Variants in OXR1 observed in about 807,000 individuals in gnomAD.
OXR1 encodes oxidation resistance protein 1.
In OXR1, 41 loss-of-function variants were observed where a neutral mutation model predicts 104.6. The observed-to-expected ratio is 0.39, with a 90% confidence interval of 0.31 to 0.51. The LOEUF is 0.51. Among genes scored for constraint, OXR1 ranks in the 20% least tolerant of loss-of-function variants. The probability of loss-of-function intolerance (pLI) is 0.77; values close to 1 mark genes in which losing one functional copy is unlikely to be tolerated. For missense variants in OXR1, 955 were observed against 1,031.9 expected, an observed-to-expected ratio of 0.93 and a Z score of 1.02; for synonymous variants, 348 against 348.4, an observed-to-expected ratio of 1.00 and a Z score of 0.01.
chr8:106,718,818 G>A (rs1414380371), intron 11 of OXR1, among the ~76,000 whole-genome samples: 3 of 141,378 alleles, frequency 2.1e-5, no homozygotes, highest in African/African-American at 8.3e-5. Flanking sequence ...CAGCCTGGGC[G>A]ACAGAGCGAG....
At chr8:106,394,547 T>G (rs538089453) in intron 2 of OXR1, among the ~76,000 whole-genome samples, 10 of 152,222 alleles carry the variant, frequency 6.6e-5, no homozygotes, top group African/African-American at 2.2e-4. Flanking sequence ...CTCCAACTGG[T>G]AAGTGGATAA....
At chr8:106,730,782 G>A (rs11990726) in intron 11 of OXR1, among the ~76,000 whole-genome samples, 3,401 of 152,010 alleles carry the variant, frequency 0.022, 42 homozygotes, top group East Asian at 0.039. Flanking sequence ...GTGTTTGCTA[G>A]GCCAGTGTGG....
intron 3 of OXR1, among the ~76,000 whole-genome samples, chr8:106,654,215 T>C (rs1379042893): frequency 6.6e-6 from 1 of 152,036 alleles, no homozygotes; most frequent in Non-Finnish European, 1.5e-5. Context: ...AAAATTCATA[T>C]GGAATGAAAA....
intron 10 of OXR1, 140 bp from the exon 11 acceptor site, chr8:106,713,683 G>C: frequency 2.1e-6 from 1 of 483,648 alleles, no homozygotes; most frequent in South Asian, 6.0e-5. Context: ...CCTGATAGTA[G>C]ACCTTTTATA....
At chr8:106,614,507 T>C (rs996383594) in intron 3 of OXR1, among the ~76,000 whole-genome samples, 1 of 152,232 alleles carries the variant, frequency 6.6e-6, no homozygotes, top group South Asian at 2.1e-4. Context: ...CAGAGCTTCT[T>C]AGCAGCCCAC....
At chr8:106,400,647 A>C (rs748906220) in intron 2 of OXR1, among the ~76,000 whole-genome samples, 1 of 152,184 alleles carries the variant, frequency 6.6e-6, no homozygotes, top group Non-Finnish European at 1.5e-5. Context: ...GAAATACTGA[A>C]TTATAACATC....
chr8:106,723,161 G>A (rs930138484), intron 11 of OXR1, among the ~76,000 whole-genome samples: 6 of 151,660 alleles, frequency 4.0e-5, no homozygotes, highest in African/African-American at 1.2e-4. Context: ...TTCGAGACCA[G>A]CCTGGCCAAT....
At chr8:106,347,940 T>C (rs13265102) in intron 1 of OXR1, among the ~76,000 whole-genome samples, 54,511 of 151,852 alleles carry the variant, frequency 0.36, 10,102 homozygotes, top group Admixed American at 0.44. Context: ...ATGAACCTTG[T>C]TATAGAAATA....
chr8:106,372,096 G>A (rs928259213), intron 2 of OXR1, among the ~76,000 whole-genome samples: 8 of 152,248 alleles, frequency 5.3e-5, no homozygotes, highest in African/African-American at 1.9e-4. Flanking sequence ...TTCCAGCTGA[G>A]AGGCTGTAAG....
At chr8:106,543,769 A>G (rs1815137984) in intron 3 of OXR1, among the ~76,000 whole-genome samples, 1 of 152,216 alleles carries the variant, frequency 6.6e-6, no homozygotes, top group Non-Finnish European at 1.5e-5. Flanking sequence ...AGCTGCCTGC[A>G]GTGCTAAAGT....
At chr8:106,605,470 T>G (rs1820299707) in intron 3 of OXR1, among the ~76,000 whole-genome samples, 1 of 151,808 alleles carries the variant, frequency 6.6e-6, no homozygotes, top group Admixed American at 6.6e-5. Flanking sequence ...ATAGCTAGGA[T>G]TTAATGGTGA....
intron 2 of OXR1, among the ~76,000 whole-genome samples, chr8:106,478,186 G>A (rs745349552): frequency 4.6e-5 from 7 of 151,770 alleles, no homozygotes; most frequent in South Asian, 2.1e-4. Flanking sequence ...TATTATCAGT[G>A]TGCGAATTTT....
At chr8:106,561,969 G>T (rs905384111) in intron 3 of OXR1, among the ~76,000 whole-genome samples, 1 of 152,058 alleles carries the variant, frequency 6.6e-6, no homozygotes, top group Non-Finnish European at 1.5e-5. Flanking sequence ...CCATCTAAAA[G>T]TTACCAACAT....
intron 2 of OXR1, among the ~76,000 whole-genome samples, chr8:106,385,823 A>G (rs1817348627): frequency 6.6e-6 from 1 of 152,156 alleles, no homozygotes; most frequent in Admixed American, 6.6e-5. Flanking sequence ...ACATTGGCTC[A>G]CTTGATATCC....
chr8:106,314,695 G>A (rs1331160096), intron 1 of OXR1, among the ~76,000 whole-genome samples: 1 of 152,154 alleles, frequency 6.6e-6, no homozygotes, highest in African/African-American at 2.4e-5. Flanking sequence ...TAGTGAAGCA[G>A]GTACTCAAAC....
intron 2 of OXR1, among the ~76,000 whole-genome samples, chr8:106,484,352 G>C (rs1012416998): frequency 1.3e-5 from 2 of 152,024 alleles, no homozygotes; most frequent in African/African-American, 4.8e-5. Context: ...GGATAGCCCA[G>C]TTGCCCTGAA....
intron 2 of OXR1, among the ~76,000 whole-genome samples, chr8:106,382,174 A>G (rs185790446): frequency 6.6e-6 from 1 of 152,322 alleles, no homozygotes; most frequent in African/African-American, 2.4e-5. Context: ...TGGTCAAGTC[A>G]CATTCTTTCT....
At chr8:106,518,723 A>G (rs1032411135) in intron 2 of OXR1, among the ~76,000 whole-genome samples, 2 of 152,196 alleles carry the variant, frequency 1.3e-5, no homozygotes, top group Admixed American at 6.5e-5. Context: ...TTTTAATGCA[A>G]TCTTTCAAAA....
At chr8:106,711,383 A>G (rs1429186809) in intron 10 of OXR1, among the ~76,000 whole-genome samples, 2 of 152,144 alleles carry the variant, frequency 1.3e-5, no homozygotes, top group Non-Finnish European at 2.9e-5. Flanking sequence ...ACTTAAAATT[A>G]CTTTAACAGT....
Sources: allele counts gnomAD v4.1 joint callset (sites outside exome capture counted in the v4.1 genomes callset), GRCh38; gene constraint gnomAD v4.1.1; transcripts MANE v1.5; gene names NCBI Gene and HGNC (gene_info 2026-07-23, HGNC 2026-07-21).